MTMR3: variants seen among roughly 807,000 people sequenced by gnomAD.
MTMR3 encodes the protein myotubularin related protein 3.
MTMR3 carries 32 observed loss-of-function variants against 132.4 expected under a neutral mutation model. The observed-to-expected ratio is 0.24, with a 90% CI of 0.18 to 0.32. MTMR3 has a LOEUF of 0.32. Among genes scored for constraint, MTMR3 ranks in the 10% least tolerant of loss-of-function variants. The pLI is 1.00. For synonymous variants in MTMR3, 556 were observed against 550.3 expected (o/e 1.01, Z -0.14); for missense variants, 1,216 against 1,489.6 (o/e 0.82, Z 3.02).
intron 1 of MTMR3, among the ~76,000 whole-genome samples, chr22:29,945,978 T>A (rs1056613388): frequency 6.6e-6 from 1 of 151,792 alleles, no homozygotes; most frequent in Non-Finnish European, 1.5e-5. Context: ...AGAGTAGTTA[T>A]GTTATAAATT....
chr22:30,003,997 G>A (rs899510617), intron 9 of MTMR3: 4 of 152,148 alleles, frequency 2.6e-5, no homozygotes, highest in Non-Finnish European at 4.4e-5. Flanking sequence ...GAAGGGATTT[G>A]TCTCCTTGTG....
chr22:29,911,100 T>G (rs1180596990), intron 1 of MTMR3, among the ~76,000 whole-genome samples: 2 of 152,084 alleles, frequency 1.3e-5, no homozygotes, highest in Non-Finnish European at 2.9e-5. Context: ...CTGTCTGCAG[T>G]GGAAGAGAAT....
chr22:29,887,572 G>T (rs2064704271), intron 1 of MTMR3, among the ~76,000 whole-genome samples: 1 of 152,318 alleles, frequency 6.6e-6, no homozygotes, highest in Non-Finnish European at 1.5e-5. Context: ...TTCAGCACAT[G>T]TATCCTGTCT....
intron 1 of MTMR3, among the ~76,000 whole-genome samples, chr22:29,943,136 G>GC (rs2065888890): frequency 6.6e-6 from 1 of 152,148 alleles, no homozygotes; most frequent in Admixed American, 6.5e-5. Context: ...CATGGCTTCA[G>GC]CTGGTCCCTC....
At chr22:30,007,570 G>A in intron 10 of MTMR3, 1 of 572,108 alleles carries the variant, frequency 1.7e-6, no homozygotes, top group African/African-American at 1.9e-5. Context: ...GAGTGTTTAT[G>A]TAATAGAGGA....
intron 3 of MTMR3, among the ~76,000 whole-genome samples, chr22:29,976,066 T>C (rs1473361428): frequency 6.6e-6 from 1 of 152,066 alleles, no homozygotes; most frequent in South Asian, 2.1e-4. Context: ...AGGAAAATAA[T>C]GGGTTCGTTG....
chr22:29,993,488 G>A (rs1688251477), intron 7 of MTMR3: 1 of 152,020 alleles, frequency 6.6e-6, no homozygotes, highest in Admixed American at 6.6e-5. Flanking sequence ...ACTGCATTAT[G>A]TTATATAAGA....
intron 1 of MTMR3, among the ~76,000 whole-genome samples, chr22:29,953,000 C>A (rs1352273323): frequency 6.6e-6 from 1 of 151,976 alleles, no homozygotes. Context: ...AAATTTTGCA[C>A]CTCTTGAATT....
chr22:29,962,123 G>C (rs145255490), intron 2 of MTMR3, among the ~76,000 whole-genome samples: 27 of 152,350 alleles, frequency 1.8e-4, no homozygotes, highest in African/African-American at 6.3e-4. Context: ...ATAGAGAACT[G>C]TCTGGATAGA....
intron 6 of MTMR3, chr22:29,990,772 G>C (rs189599814): frequency 2.0e-5 from 3 of 152,084 alleles, no homozygotes; most frequent in Non-Finnish European, 4.4e-5. Flanking sequence ...TATCAGAGAC[G>C]GGAGTTTTGC....
At chr22:29,961,080 A>G (rs902845363) in intron 2 of MTMR3, among the ~76,000 whole-genome samples, 1 of 152,224 alleles carries the variant, frequency 6.6e-6, no homozygotes, top group Non-Finnish European at 1.5e-5. Context: ...TTTTAAAATT[A>G]CAGAACATTG....
In MTMR3 at chr22:30,016,629, C is replaced by T. The variant is rs572612109; in HGVS notation, c.1605C>T (p.Ser535=). Residue 535 remains serine, a synonymous_variant, in exon 15 of 20, where the codon TCC becomes TCT. Coordinates refer to ENST00000401950, the MANE Select transcript of MTMR3 (RefSeq NM_021090.4). ...AGCATACTCAGGAACGGACATGTTC[C>T]GTGTGGTCACTTCTTCGGGCAGGCA... ...GEKHTQERTC[S]VWSLLRAGNK... is the part of the protein sequence containing the mutation. 56 of 1,614,172 alleles carry T rather than the reference C, an allele frequency of 3.5e-5. 1 individual carries two copies. In the South Asian group the frequency reaches 4.1e-4, roughly 12 times the overall value.
chr22:29,969,791 G>A (rs5752989), intron 2 of MTMR3, among the ~76,000 whole-genome samples: 83,564 of 151,950 alleles, frequency 0.55, 23,339 homozygotes, highest in East Asian at 0.83. Context: ...TGGCCTCCCA[G>A]AATGCTGGGA....
At chr22:29,896,296 T>G (rs2064894399) in intron 1 of MTMR3, among the ~76,000 whole-genome samples, 1 of 152,042 alleles carries the variant, frequency 6.6e-6, no homozygotes, top group Non-Finnish European at 1.5e-5. Flanking sequence ...GGTGATAGAG[T>G]GAGACTCCAT....
chr22:30,018,850 C>G (rs192015703), intron 16 of MTMR3: 7 of 152,200 alleles, frequency 4.6e-5, no homozygotes, highest in African/African-American at 1.7e-4. Flanking sequence ...CAAGAAACAC[C>G]AGTGCTACTT....
intron 1 of MTMR3, among the ~76,000 whole-genome samples, chr22:29,890,556 A>G (rs929759991): frequency 2.0e-5 from 3 of 152,010 alleles, no homozygotes; most frequent in Non-Finnish European, 4.4e-5. Flanking sequence ...GTCAAACGGT[A>G]CGTGTGTTTT....
intron 7 of MTMR3, chr22:29,998,538 G>C: frequency 4.3e-6 from 1 of 232,616 alleles, no homozygotes; most frequent in Non-Finnish European, 8.3e-6. Flanking sequence ...AGCTATTTGG[G>C]TGGCTGAGGC....
chr22:29,928,544 T>G (rs2065572786), intron 1 of MTMR3, among the ~76,000 whole-genome samples: 1 of 152,196 alleles, frequency 6.6e-6, no homozygotes, highest in Non-Finnish European at 1.5e-5. Context: ...TATGTAGCTT[T>G]CTTTTTTTCT....
At chr22:29,937,631 G>C (rs927467937) in intron 1 of MTMR3, among the ~76,000 whole-genome samples, 33 of 152,236 alleles carry the variant, frequency 2.2e-4, no homozygotes, top group African/African-American at 7.5e-4. Context: ...AAAACTTGGT[G>C]AATAGTATCA....
Sources: allele counts gnomAD v4.1 joint callset (sites outside exome capture counted in the v4.1 genomes callset), GRCh38; gene constraint gnomAD v4.1.1; transcripts MANE v1.5; gene names NCBI Gene and HGNC (gene_info 2026-07-23, HGNC 2026-07-21).